Variants in CYP21A2 observed in about 807,000 individuals in gnomAD.
CYP21A2 encodes steroid 21-hydroxylase.
In CYP21A2, 24 loss-of-function variants were observed where a neutral mutation model predicts 47.4. The ratio of observed to expected loss-of-function variants is 0.51; its 90% CI spans 0.37 to 0.71. CYP21A2 has a LOEUF of 0.71. Ranked by LOEUF, CYP21A2 falls within the 30% of genes least tolerant of loss-of-function variation. The probability of loss-of-function intolerance (pLI) is 0.00; values close to 1 mark genes in which losing one functional copy is unlikely to be tolerated. For missense variants in CYP21A2, 358 were observed against 643.2 expected, an observed-to-expected ratio of 0.56 and a Z score of 4.80; for synonymous variants, 130 against 273.9, an observed-to-expected ratio of 0.47 and a Z score of 5.19.
chr6:32,039,062 T>TGCCCCCCCCCCCC, intron 2 of CYP21A2, 32 bp from the exon 3 acceptor site: 1 of 1,565,832 alleles, frequency 6.4e-7, no homozygotes, highest in Non-Finnish European at 8.7e-7. Context: ...CTTCATCAGT[T>TGCCCCCCCCCCCC]CCCACCCTCC....
Position 32,041,583 on chromosome 6 carries a change from G to A in CYP21A2, c.*449G>A. ...TCCCTTCCTGACCCTCCGCTGCAGAGGATTGAGGCTTAATTCTGAGCTGGC... is the reference window on the plus strand; with the variant it reads ...TCCCTTCCTGACCCTCCGCTGCAGAAGATTGAGGCTTAATTCTGAGCTGGC... On this transcript the variant is annotated 3_prime_UTR_variant, in exon 10 of 10. Coordinates refer to ENST00000644719, the MANE Select transcript of CYP21A2 (RefSeq NM_000500.9). The A allele has an allele frequency of 9.4e-7, 1 of 1,062,340 alleles. No homozygotes were observed. Among genetic ancestry groups the A allele is most frequent in the Non-Finnish European group, 1.4e-6 (1 of 708,506 alleles). The allele number at this position is 1,062,340 out of a possible 1,614,324, so 65.8% of individuals were successfully genotyped here.
rs1316888475 is a variant in CYP21A2 at position 32,040,100 on chromosome 6, G to A, written c.834G>A (p.Leu278=). 2 of 1,612,830 alleles carry A rather than the reference G, an allele frequency of 1.2e-6. No individual in the cohort carries two copies. Among genetic ancestry groups the A allele is most frequent in the East Asian group, 4.5e-5 (2 of 44,870 alleles). The change falls in exon 7 of 10, where the codon CTG becomes CTA. Residue 278 remains leucine, a synonymous_variant. Transcript: ENST00000644719. ...TGGAAGAGGGCTCTGGACAGCTCCT[G>A]GAAGGGCACGTGCACATGGCTGCAG... ...PSMEEGSGQL[L]EGHVHMAAVD...
intron 2 of CYP21A2, 134 bp from the exon 3 acceptor site, chr6:32,038,960 C>T: frequency 6.6e-7 from 1 of 1,517,420 alleles, no homozygotes; most frequent in Non-Finnish European, 8.9e-7. Flanking sequence ...GGGGCATCCC[C>T]AATCCAGGTC....
chr6:32,039,087 C>G lies in CYP21A2; in HGVS notation c.293-7C>G, dbSNP rs193922544. On this transcript the variant is annotated splice_polypyrimidine_tract_variant and splice_region_variant and intron_variant, in intron 2 of 9. Coordinates refer to ENST00000644719, the MANE Select transcript of CYP21A2 (RefSeq NM_000500.9). ...TCCCACCCTCCAGCCCCCACCTCCT[C>G]CTGCAGACAAGCTGGTGTCTAGGAA... 2.8e-5 allele frequency: 45 copies of G among 1,597,552 alleles called. No homozygotes were observed. Among genetic ancestry groups the G allele is most frequent in the African/African-American group, 1.3e-5 (1 of 74,542 alleles).
At position 32,041,524 on chromosome 6, in the gene CYP21A2, A is replaced by G. The variant is rs7774739; in HGVS notation, c.*390A>G. The G allele has an allele frequency of 0.017, 20,099 of 1,150,876 alleles. 1,112 individuals are homozygous for G. The highest frequency in any genetic ancestry group is 0.12 in the African/African-American group (6,524 of 56,660). 71.3% of individuals were successfully genotyped at this position (1,150,876 alleles called of 1,614,324 possible). The stretch of plus-strand genomic sequence containing the variant: ...CTCTTCCCGTTCCCCTTAAGGAGGT[A>G]GCTCCCAGCACTCAACCAACCTCCC... On this transcript the variant is annotated 3_prime_UTR_variant, in exon 10 of 10. Transcript: ENST00000644719.
Position 32,039,392 on chromosome 6 carries a change from G to A in CYP21A2, c.484G>A (p.Glu162Lys). 1 of 1,612,692 alleles carries A rather than the reference G, an allele frequency of 6.2e-7. No homozygotes were observed. The highest frequency in any genetic ancestry group is 1.1e-5 in the South Asian group (1 of 90,846). Residue 162 changes from glutamate to lysine, a missense_variant, in exon 4 of 10, where the codon GAG becomes AAG. Transcript: ENST00000644719. ...RAQPGTPVAI[E>K]EEFSLLTCSI... ...CCAGCCCGGCACCCCTGTGGCCATT[G>A]AGGAGGAATTCTCTCTCCTCACCTG...
Position 32,041,607 on chromosome 6 carries a change from G to A in CYP21A2, c.*473G>A. ...AGGATTGAGGCTTAATTCTGAGCTG[G>A]CCCTTTCCAGCCAATAAATCAACTC... is the stretch of plus-strand genomic sequence containing the variant. On this transcript the variant is annotated 3_prime_UTR_variant, in exon 10 of 10. Coordinates refer to ENST00000644719, the MANE Select transcript of CYP21A2 (RefSeq NM_000500.9). 2.8e-6 allele frequency: 3 copies of A among 1,056,180 alleles called. No homozygotes were observed. The highest frequency in any genetic ancestry group is 4.3e-6 in the Non-Finnish European group (3 of 703,516). The allele number at this position is 1,056,180 out of a possible 1,614,324, so 65.4% of individuals were successfully genotyped here. A position where few individuals can be genotyped will look rare whatever the true frequency, so the allele number is the denominator to read the frequency against.
chr6:32,041,507 G>C lies in CYP21A2; in HGVS notation c.*373G>C, dbSNP rs451652. The C allele has an allele frequency of 3.3e-6, 4 of 1,219,340 alleles. No individual in the cohort carries two copies. The highest frequency in any genetic ancestry group is 4.7e-6 in the Non-Finnish European group (4 of 854,690). The allele number at this position is 1,219,340 out of a possible 1,614,324, so 75.5% of individuals were successfully genotyped here. On this transcript the variant is annotated 3_prime_UTR_variant, in exon 10 of 10. Coordinates refer to ENST00000644719, the MANE Select transcript of CYP21A2 (RefSeq NM_000500.9). ...GCCGGATGTCCCATCTGCTCTTCCC[G>C]TTCCCCTTAAGGAGGTAGCTCCCAG...
Position 32,040,179 on chromosome 6 carries a change from G to A in CYP21A2, c.913G>A (p.Val305Met), listed in dbSNP as rs151344505. The A allele has an allele frequency of 1.3e-4, 210 of 1,612,880 alleles. 1 individual carries two copies. The highest frequency in any genetic ancestry group is 2.2e-4 in the East Asian group (10 of 44,876). The change falls in exon 7 of 10, where the codon GTG becomes ATG. Residue 305 changes from valine (V) to methionine (M), a missense_variant. Physicochemically the swap from Val to Met is conservative, Grantham distance 21. Coordinates refer to ENST00000644719, the MANE Select transcript of CYP21A2 (RefSeq NM_000500.9). Reference protein sequence around the residue: ...ETTANTLSWAVVFLLHHPEIQ... With the variant: ...ETTANTLSWAMVFLLHHPEIQ... ...CACAGCAAACACCCTCTCCTGGGCC[G>A]TGGTTTTTTTGCTTCACCACCCTGA...
intron 2 of CYP21A2, 44 bp from the exon 3 acceptor site, chr6:32,039,050 G>T (rs6453): frequency 0.021 from 31,998 of 1,552,028 alleles, 945 homozygotes; most frequent in South Asian, 0.063. Context: ...GCCCTCAGCT[G>T]CCTTCATCAG....
At position 32,040,566 on chromosome 6, in the gene CYP21A2, G is replaced by A. The variant is rs376035565; in HGVS notation, c.1100G>A (p.Arg367His). ...RPVVPLALPH[R>H]TTRPSSISGY... ...GTTGTGCCCTTAGCCTTGCCCCACC[G>A]CACCACACGGCCCAGCAGGTGACTC... is the stretch of plus-strand genomic sequence containing the variant. The change falls in exon 8 of 10, where the codon CGC becomes CAC. Residue 367 changes from arginine to histidine, a missense_variant. By Grantham distance (29) the Arg-to-His change is conservative. Coordinates refer to ENST00000644719, the MANE Select transcript of CYP21A2 (RefSeq NM_000500.9). 8.1e-5 allele frequency: 130 copies of A among 1,613,450 alleles called. 1 individual carries two copies. The highest frequency in any genetic ancestry group is 4.5e-4 in the African/African-American group (34 of 75,058).
Position 32,041,598 on chromosome 6 carries a change from T to C in CYP21A2, c.*464T>C, listed in dbSNP as rs7756934. The stretch of plus-strand genomic sequence containing the variant: ...CCGCTGCAGAGGATTGAGGCTTAAT[T>C]CTGAGCTGGCCCTTTCCAGCCAATA... On this transcript the variant is annotated 3_prime_UTR_variant, in exon 10 of 10. Transcript: ENST00000644719. The C allele has an allele frequency of 2.0e-3, 2,122 of 1,079,194 alleles. 97 individuals are homozygous for C. Among genetic ancestry groups the C allele is most frequent in the African/African-American group, 0.017 (1,025 of 59,844 alleles). 66.9% of individuals were successfully genotyped at this position (1,079,194 alleles called of 1,614,324 possible).
rs1582304536 is a variant in CYP21A2 at position 32,039,433 on chromosome 6, C to T, written c.525C>T (p.Tyr175=). 7 of 1,612,882 alleles carry T rather than the reference C, an allele frequency of 4.3e-6. No homozygotes were observed. The East Asian group carries it at 1.6e-4, about 36-fold the overall frequency. The change falls in exon 4 of 10, where the codon TAC becomes TAT. Residue 175 remains tyrosine, a synonymous_variant. Transcript: ENST00000644719. ...FSLLTCSIIC[Y]LTFGDKIKDD... Reference sequence around the variant, plus strand: ...TCCTCACCTGCAGCATCATCTGTTACCTCACCTTCGGAGACAAGATCAAGG... The same window carrying T: ...TCCTCACCTGCAGCATCATCTGTTATCTCACCTTCGGAGACAAGATCAAGG...
intron 2 of CYP21A2, 61 bp from the exon 3 acceptor site, chr6:32,039,033 A>G (rs772529761): frequency 6.4e-7 from 1 of 1,563,396 alleles, no homozygotes; most frequent in Non-Finnish European, 8.7e-7. Flanking sequence ...AGGCCGAAGA[A>G]GGTCAGGCCC....
intron 2 of CYP21A2, 68 bp from the exon 3 acceptor site, chr6:32,039,026 C>T: frequency 1.9e-6 from 3 of 1,557,512 alleles, no homozygotes; most frequent in Middle Eastern, 1.8e-4. Flanking sequence ...GTTGGGGAGG[C>T]CGAAGAAGGT....
At chr6:32,038,901 C>T (rs2089723758) in intron 2 of CYP21A2, 90 bp downstream of exon 2, 3 of 1,379,028 alleles carry the variant, frequency 2.2e-6, no homozygotes, top group Non-Finnish European at 3.0e-6. Context: ...TCTTAAATTC[C>T]TAGTCTCAAA....
Position 32,041,528 on chromosome 6 carries a change from C to T in CYP21A2, c.*394C>T, listed in dbSNP as rs1346924319. The T allele has an allele frequency of 1.7e-6, 2 of 1,162,038 alleles. No individual in the cohort carries two copies. Among genetic ancestry groups the T allele is most frequent in the African/African-American group, 3.4e-5 (2 of 59,590 alleles). 72.0% of individuals were successfully genotyped at this position (1,162,038 alleles called of 1,614,324 possible). A position where few individuals can be genotyped will look rare whatever the true frequency, so the allele number is the denominator to read the frequency against. ...TCCCGTTCCCCTTAAGGAGGTAGCT[C>T]CCAGCACTCAACCAACCTCCCCGCA... is the stretch of plus-strand genomic sequence containing the variant. On this transcript the variant is annotated 3_prime_UTR_variant, in exon 10 of 10. Transcript: ENST00000644719.
At position 32,039,837 on chromosome 6, in the gene CYP21A2, T is replaced by C; in HGVS notation, c.738+2T>C. 3 of 1,613,398 alleles carry C rather than the reference T, an allele frequency of 1.9e-6. No individual in the cohort carries two copies. The highest frequency in any genetic ancestry group is 2.5e-6 in the Non-Finnish European group (3 of 1,179,686). ...GAGATGCAGCTGAGGCAGCACAAGGTGGGGACTGTACGTGGACGGCCTCCC... is the reference window on the plus strand; with the variant it reads ...GAGATGCAGCTGAGGCAGCACAAGGCGGGGACTGTACGTGGACGGCCTCCC... On this transcript the variant is annotated splice_donor_variant, in intron 6 of 9. Transcript: ENST00000644719. LOFTEE classifies it high-confidence loss of function.
Position 32,040,207 on chromosome 6 carries a change from T to C in CYP21A2, c.939+2T>C, listed in dbSNP as rs72552753. 1 of 1,612,798 alleles carries C rather than the reference T, an allele frequency of 6.2e-7. No homozygotes were observed. The highest frequency in any genetic ancestry group is 1.7e-5 in the Admixed American group (1 of 60,020). On this transcript the variant is annotated splice_donor_variant, in intron 7 of 9. Transcript: ENST00000644719. LOFTEE classifies it high-confidence loss of function. ...GTTTTTTTGCTTCACCACCCTGAGG[T>C]GCGTCCTGGGGACAAGCAAAAGGCT... is the stretch of plus-strand genomic sequence containing the variant.
Sources: gnomAD v4.1 joint callset for allele counts on GRCh38, gnomAD v4.1.1 for gene constraint, MANE v1.5 for transcripts, NCBI Gene and HGNC (gene_info 2026-07-23, HGNC 2026-07-21) for gene names.